The following TNS3 variants were observed in gnomAD, a reference collection of about 807,000 sequenced individuals.
The protein encoded by TNS3 is tensin-3.
Under a neutral mutation model 140.9 loss-of-function variants are expected in TNS3, and 45 were observed. That is an observed-to-expected ratio of 0.32 (90% CI 0.25 to 0.41). TNS3 has a LOEUF of 0.41. Ranked by LOEUF, TNS3 falls within the 10% of genes least tolerant of loss-of-function variation. TNS3 has a pLI of 1.00. For synonymous variants in TNS3, 815 were observed against 788.4 expected (o/e 1.03, Z -0.56); for missense variants, 1,716 against 1,906.7 (o/e 0.90, Z 1.86).
At chr7:47,564,946 C>T (rs1009062475) in intron 1 of TNS3, among the ~76,000 whole-genome samples, 5 of 151,908 alleles carry the variant, frequency 3.3e-5, no homozygotes, top group Admixed American at 2.6e-4. Context: ...AGGAACTCCT[C>T]GTTGTAAGAA....
intron 4 of TNS3, among the ~76,000 whole-genome samples, chr7:47,447,955 C>T (rs1338179474): frequency 6.6e-6 from 1 of 152,178 alleles, no homozygotes; most frequent in East Asian, 1.9e-4. Context: ...CATCTGGGAG[C>T]AGAACAAGGG....
intron 2 of TNS3, among the ~76,000 whole-genome samples, chr7:47,522,336 C>CTGG (rs1182126292): frequency 2.0e-5 from 3 of 152,184 alleles, no homozygotes; most frequent in Non-Finnish European, 4.4e-5. Flanking sequence ...AGCCTCTGCA[C>CTGG]TGGTAGTCCA....
chr7:47,557,552 A>G (rs560398393), intron 1 of TNS3, among the ~76,000 whole-genome samples: 1 of 152,338 alleles, frequency 6.6e-6, no homozygotes, highest in South Asian at 2.1e-4. Context: ...CAACCAGGTA[A>G]AGCACCCATA....
At chr7:47,384,084 C>G (rs998712026) in intron 16 of TNS3, among the ~76,000 whole-genome samples, 2 of 152,226 alleles carry the variant, frequency 1.3e-5, no homozygotes, top group Non-Finnish European at 2.9e-5. Context: ...CGTGACCACC[C>G]ATTCTCCCCC....
chr7:47,487,599 G>A (rs973520394), intron 3 of TNS3, among the ~76,000 whole-genome samples: 11 of 152,102 alleles, frequency 7.2e-5, no homozygotes, highest in Admixed American at 7.2e-4. Flanking sequence ...AAATCCGTGG[G>A]ACAGCATTCA....
chr7:47,462,969 TC>T (rs1796550419), intron 4 of TNS3, among the ~76,000 whole-genome samples: 1 of 152,194 alleles, frequency 6.6e-6, no homozygotes, highest in African/African-American at 2.4e-5. Flanking sequence ...AATGAGGCTG[TC>T]CTACAATGGA....
At chr7:47,295,236 C>T (rs143772234) in intron 24 of TNS3, among the ~76,000 whole-genome samples, 5 of 152,128 alleles carry the variant, frequency 3.3e-5, no homozygotes, top group African/African-American at 4.8e-5. Flanking sequence ...GCAGGATGCA[C>T]GCACAGAGGT....
chr7:47,343,221 G>A (rs541554088), intron 20 of TNS3, among the ~76,000 whole-genome samples: 3 of 152,144 alleles, frequency 2.0e-5, no homozygotes, highest in Non-Finnish European at 4.4e-5. Context: ...TCCAGGCTGG[G>A]ACAATCGGGC....
At chr7:47,452,786 G>A (rs1433632178) in intron 4 of TNS3, 1 of 352,326 alleles carries the variant, frequency 2.8e-6, no homozygotes, top group African/African-American at 2.2e-5. Flanking sequence ...CTGCAGCATT[G>A]AAGTGAAAGG....
chr7:47,558,707 G>GA lies in TNS3; in HGVS notation c.-265+23343_-265+23344insT, dbSNP rs1217796610. On this transcript the variant is annotated intron_variant, in intron 1 of 30. Coordinates refer to ENST00000311160, the MANE Select transcript of TNS3 (RefSeq NM_022748.12). ...GAGAGGACAAGGCCCACTGCCTGGG[G>GA]CCCCCCTCAGCAGAGGGTCCCAGCT... 2.0e-5 allele frequency among the ~76,000 whole-genome samples: 3 copies of GA among 151,938 alleles called. No individual in the cohort carries two copies. The East Asian group carries it at 5.8e-4, about 30-fold the overall frequency.
chr7:47,547,777 A>G (rs1179766376), intron 1 of TNS3, among the ~76,000 whole-genome samples: 1 of 152,194 alleles, frequency 6.6e-6, no homozygotes, highest in Non-Finnish European at 1.5e-5. Context: ...AAAGCCTCCC[A>G]ACAAACCTCA....
At chr7:47,577,268 C>T (rs1326580486) in intron 1 of TNS3, among the ~76,000 whole-genome samples, 1 of 152,228 alleles carries the variant, frequency 6.6e-6, no homozygotes, top group East Asian at 1.9e-4. Context: ...ATCTTAGAAA[C>T]AAAGCCAGGC....
At chr7:47,373,314 C>T (rs1025745284) in intron 16 of TNS3, among the ~76,000 whole-genome samples, 1 of 152,184 alleles carries the variant, frequency 6.6e-6, no homozygotes, top group Admixed American at 6.5e-5. Flanking sequence ...TGCTTCCTAT[C>T]TTTCAAGGGA....
intron 16 of TNS3, among the ~76,000 whole-genome samples, chr7:47,392,176 C>T (rs143121111): frequency 0.012 from 1,685 of 146,382 alleles, 17 homozygotes; most frequent in Non-Finnish European, 0.019. Flanking sequence ...AACACTGACA[C>T]GACTGCCGTC....
intron 10 of TNS3, among the ~76,000 whole-genome samples, chr7:47,416,702 C>T (rs956047916): frequency 6.6e-6 from 1 of 152,162 alleles, no homozygotes; most frequent in Non-Finnish European, 1.5e-5. Context: ...CTGCAGGGTA[C>T]TTTCTACCCT....
chr7:47,340,834 A>T (rs1176324191), intron 20 of TNS3, among the ~76,000 whole-genome samples: 2 of 152,030 alleles, frequency 1.3e-5, no homozygotes, highest in African/African-American at 4.8e-5. Context: ...GTCTCTGTAG[A>T]ACTTCCAGAA....
At chr7:47,423,406 C>A (rs1794482984) in intron 10 of TNS3, among the ~76,000 whole-genome samples, 1 of 152,230 alleles carries the variant, frequency 6.6e-6, no homozygotes, top group Admixed American at 6.5e-5. Context: ...AGGTTCTTGA[C>A]CTCAGCCTGC....
intron 22 of TNS3, 130 bp from the exon 23 acceptor site, chr7:47,302,402 G>T (rs1035356552): frequency 2.8e-6 from 2 of 702,166 alleles, no homozygotes; most frequent in Non-Finnish European, 4.9e-6. Context: ...CTAAGGAAAG[G>T]GAACCCTGCC....
chr7:47,502,052 C>T (rs73695362), intron 3 of TNS3, among the ~76,000 whole-genome samples: 2,975 of 152,294 alleles, frequency 0.02, 115 homozygotes, highest in African/African-American at 0.069. Context: ...ACCTCAGCTC[C>T]ATTTCTGATA....
Sources: allele counts gnomAD v4.1 joint callset (sites outside exome capture counted in the v4.1 genomes callset), GRCh38; gene constraint gnomAD v4.1.1; transcripts MANE v1.5; gene names NCBI Gene and HGNC (gene_info 2026-07-23, HGNC 2026-07-21).